Variants in RIBC2 observed in about 807,000 individuals in gnomAD.
The protein encoded by RIBC2 is RIB43A-like with coiled-coils protein 2.
A neutral mutation model predicts 44.3 loss-of-function variants in RIBC2; 40 were observed. The observed-to-expected ratio is 0.90, with a 90% CI of 0.70 to 1.18. The LOEUF (loss-of-function observed/expected upper bound fraction) is 1.18. Among genes scored for constraint, RIBC2 ranks in the 50% most tolerant of loss-of-function variants. RIBC2 has a pLI of 0.00. For synonymous variants in RIBC2, 171 were observed against 175.0 expected, an observed-to-expected ratio of 0.98 and a Z score of 0.18; for missense variants, 459 against 485.5, an observed-to-expected ratio of 0.95 and a Z score of 0.51.
chr22:45,432,478 G>T lies in RIBC2; in HGVS notation c.*116G>T. ...CCACAAGTACCCTTCAGCTGTAATC[G>T]TCCACTGTGGACAAAACATTTATCT... On this transcript the variant is annotated 3_prime_UTR_variant, in exon 7 of 7. Coordinates refer to ENST00000614167, the MANE Select transcript of RIBC2 (RefSeq NM_015653.5). 1 of 657,550 alleles carries T rather than the reference G, an allele frequency of 1.5e-6. No homozygotes were observed. The allele number at this position is 657,550 out of a possible 1,614,324, so 40.7% of individuals were successfully genotyped here.
At chr22:45,432,256 CCTT>C (rs758858642) in intron 6 of RIBC2, 25 bp from the exon 7 acceptor site, 2 of 1,313,642 alleles carry the variant, frequency 1.5e-6, no homozygotes, top group South Asian at 1.3e-5. Context: ...CATTTGCTGA[CCTT>C]TTTTTTTTCT....
chr22:45,424,215 T>A (rs1476313850), intron 4 of RIBC2, among the ~76,000 whole-genome samples: 2 of 152,150 alleles, frequency 1.3e-5, no homozygotes, highest in African/African-American at 4.8e-5. Context: ...TGCTACTAAC[T>A]ACAACTAGGC....
rs575731601 is a variant in RIBC2, at chr22:45,423,753, C to G, written c.675+1345C>G. 1.8e-4 allele frequency among the ~76,000 whole-genome samples: 27 copies of G among 152,234 alleles called. No individual in the cohort carries two copies. The South Asian group carries it at 5.0e-3, about 28-fold the overall frequency. On this transcript the variant is annotated intron_variant, in intron 4 of 6. Transcript: ENST00000614167. ...GCAAGACACCTGAAGTCCGAGCTCA[C>G]CACCCAGTGAGCTGCAAAGGTCTTA...
Position 45,419,648 on chromosome 22 carries a change from C to T in RIBC2, c.556+1702C>T, listed in dbSNP as rs1028214128. Among the ~76,000 whole-genome samples, 3 of 147,850 alleles carry T rather than the reference C, an allele frequency of 2.0e-5. No homozygotes were observed. The East Asian group carries it at 6.0e-4, about 30-fold the overall frequency. On this transcript the variant is annotated intron_variant, in intron 3 of 6. Transcript: ENST00000614167. Reference sequence around the variant, plus strand: ...ACTCAGGAGGCTGAGGCAGGAGGATCACTGAGCCTGGAAGGTCAAGGCTAC... The same window carrying T: ...ACTCAGGAGGCTGAGGCAGGAGGATTACTGAGCCTGGAAGGTCAAGGCTAC...
chr22:45,422,222 C>A, intron 3 of RIBC2, 68 bp from the exon 4 acceptor site: 3 of 1,134,254 alleles, frequency 2.6e-6, no homozygotes, highest in Non-Finnish European at 4.0e-6. Flanking sequence ...GGCAAAGGCA[C>A]GAACGGCCAC....
At chr22:45,416,263 GA>G (rs780205449) in intron 2 of RIBC2, among the ~76,000 whole-genome samples, 4 of 151,686 alleles carry the variant, frequency 2.6e-5, no homozygotes, top group Non-Finnish European at 5.9e-5. Flanking sequence ...GGCTGGTTTA[GA>G]TTTTTTTTTT....
intron 5 of RIBC2, 144 bp downstream of exon 5, chr22:45,426,319 G>T (rs2087534691): frequency 8.8e-6 from 6 of 683,282 alleles, no homozygotes; most frequent in Non-Finnish European, 1.5e-5. Context: ...GTCGGTGGGA[G>T]ACAAGAGCCA....
chr22:45,414,431 T>C (rs1250437164), intron 2 of RIBC2, 28 bp downstream of exon 2: 1 of 1,482,472 alleles, frequency 6.7e-7, no homozygotes. Flanking sequence ...GCTTATCTAT[T>C]GGTTTAGGAT....
At chr22:45,428,845 C>T (rs2087555185) in intron 5 of RIBC2, among the ~76,000 whole-genome samples, 1 of 151,560 alleles carries the variant, frequency 6.6e-6, no homozygotes, top group South Asian at 2.1e-4. Flanking sequence ...GTCTGGGTCA[C>T]CCCATAGTCT....
intron 3 of RIBC2, among the ~76,000 whole-genome samples, chr22:45,421,914 G>C (rs1444241301): frequency 6.6e-6 from 1 of 151,874 alleles, no homozygotes; most frequent in Non-Finnish European, 1.5e-5. Flanking sequence ...TTTCACTTCT[G>C]GATTCCCCTG....
rs1445066867 is a variant in RIBC2, at chr22:45,426,043, C to T, written c.771C>T (p.Leu257=). Residue 257 remains leucine, a synonymous_variant, in exon 5 of 7, where the codon CTC becomes CTT. Transcript: ENST00000614167. ...CCAACCTCCTGCGTGGGGACCTGCT[C>T]TCCGAGAACCCGCAGCAGGCAGCCA... is the stretch of plus-strand genomic sequence containing the variant. ...EITNLLRGDL[L]SENPQQAASS... 1 of 1,614,104 alleles carries T rather than the reference C, an allele frequency of 6.2e-7. No individual in the cohort carries two copies. Among genetic ancestry groups the T allele is most frequent in the Non-Finnish European group, 8.5e-7 (1 of 1,180,022 alleles).
At chr22:45,422,473 C>G (rs920723122) in intron 4 of RIBC2, 65 bp downstream of exon 4, 1 of 1,162,976 alleles carries the variant, frequency 8.6e-7, no homozygotes. Context: ...TACGGCTTCC[C>G]AAGGCTCTCC....
intron 6 of RIBC2, 56 bp downstream of exon 6, chr22:45,431,122 G>A: frequency 6.5e-7 from 1 of 1,540,320 alleles, no homozygotes. Flanking sequence ...GGACCGCGGG[G>A]CTGTGGAGGT....
chr22:45,423,277 C>T (rs2087504041), intron 4 of RIBC2, among the ~76,000 whole-genome samples: 1 of 152,068 alleles, frequency 6.6e-6, no homozygotes, highest in African/African-American at 2.4e-5. Flanking sequence ...GCCCTCTTTT[C>T]GTTTTGGAAA....
At chr22:45,424,989 T>C (rs1330558960) in intron 4 of RIBC2, among the ~76,000 whole-genome samples, 3 of 151,956 alleles carry the variant, frequency 2.0e-5, no homozygotes, top group South Asian at 4.2e-4. Flanking sequence ...CTCCTGACCT[T>C]GTGATTTGCC....
chr22:45,426,313 G>A lies in RIBC2; in HGVS notation c.903+138G>A. 7.0e-6 allele frequency: 5 copies of A among 715,974 alleles called. No homozygotes were observed. In the South Asian group the frequency reaches 7.4e-5, roughly 11 times the overall value. The allele number at this position is 715,974 out of a possible 1,614,324, so 44.4% of individuals were successfully genotyped here. ...CCTCAAGGAGTTTCCCTTCTAGTCG[G>A]TGGGAGACAAGAGCCAGATAGTGTC... On this transcript the variant is annotated intron_variant, in intron 5 of 6. Transcript: ENST00000614167.
chr22:45,420,544 T>C (rs1214322934), intron 3 of RIBC2, among the ~76,000 whole-genome samples: 4 of 152,226 alleles, frequency 2.6e-5, no homozygotes, highest in Admixed American at 6.5e-5. Flanking sequence ...AGCAGTCTCC[T>C]TGACATCTCA....
chr22:45,418,028 C>T (rs1291277339), intron 3 of RIBC2, 82 bp downstream of exon 3: 1 of 999,356 alleles, frequency 1.0e-6, no homozygotes, highest in Non-Finnish European at 1.4e-6. Flanking sequence ...TTTTAAGCAA[C>T]CCTACAGTTT....
chr22:45,413,995 G>A lies in RIBC2; in HGVS notation c.109G>A (p.Ala37Thr), dbSNP rs532668203. ...GTGCAGGCAGAAGCGGGTCTTCAAC[G>A]CCAGAAACAGGATAATTGGGGTGAA... ...ELCRQKRVFNARNRIIGGDTE... is the reference protein window; with the variant it reads ...ELCRQKRVFNTRNRIIGGDTE... Residue 37 changes from alanine to threonine, a missense_variant, in exon 1 of 7, where the codon GCC becomes ACC. Coordinates refer to ENST00000614167, the MANE Select transcript of RIBC2 (RefSeq NM_015653.5). 1.9e-6 allele frequency: 3 copies of A among 1,551,622 alleles called. No homozygotes were observed. The highest frequency in any genetic ancestry group is 2.0e-5 in the Admixed American group (1 of 50,998).
Sources: allele counts gnomAD v4.1 joint callset (sites outside exome capture counted in the v4.1 genomes callset), GRCh38; gene constraint gnomAD v4.1.1; transcripts MANE v1.5; gene names NCBI Gene and HGNC (gene_info 2026-07-23, HGNC 2026-07-21).